Variants in FBXL17 observed in about 807,000 individuals in gnomAD.
FBXL17 encodes the protein F-box and leucine rich repeat protein 17.
FBXL17 carries 22 observed loss-of-function variants against 66.2 expected under a neutral mutation model. The observed-to-expected ratio is 0.33, with a 90% CI of 0.24 to 0.47. The LOEUF is 0.47. FBXL17 is among the 20% of genes least tolerant of loss of function. The pLI is 1.00. For synonymous variants in FBXL17, 474 were observed against 400.5 expected, an observed-to-expected ratio of 1.18 and a Z score of -2.19; for missense variants, 878 against 948.2, an observed-to-expected ratio of 0.93 and a Z score of 0.97.
intron 7 of FBXL17, among the ~76,000 whole-genome samples, chr5:107,959,308 A>G (rs1433102556): frequency 6.6e-6 from 1 of 151,760 alleles, no homozygotes; most frequent in Non-Finnish European, 1.5e-5. Context: ...TATATTTTCA[A>G]TTTACTTTTG....
chr5:108,146,817 C>G (rs1439312609), intron 6 of FBXL17, among the ~76,000 whole-genome samples: 2 of 152,162 alleles, frequency 1.3e-5, no homozygotes, highest in Non-Finnish European at 2.9e-5. Flanking sequence ...AAAAAGGGAT[C>G]GTGAAACCTT....
intron 5 of FBXL17, among the ~76,000 whole-genome samples, chr5:108,220,480 T>C (rs1561471856): frequency 6.6e-6 from 1 of 152,176 alleles, no homozygotes; most frequent in Non-Finnish European, 1.5e-5. Flanking sequence ...TTAAAAACCA[T>C]TGTTTCCTAT....
At chr5:108,307,141 G>A (rs931934981) in intron 4 of FBXL17, among the ~76,000 whole-genome samples, 6 of 151,988 alleles carry the variant, frequency 3.9e-5, no homozygotes, top group Non-Finnish European at 7.4e-5. Context: ...GGTGATGAAT[G>A]TGAGTCACCA....
At position 108,088,116 on chromosome 5, in the gene FBXL17, T is replaced by C. The variant is rs976784577; in HGVS notation, c.1746-67115A>G. Among the ~76,000 whole-genome samples, 5 of 152,234 alleles carry C rather than the reference T, an allele frequency of 3.3e-5. No homozygotes were observed. In the South Asian group the frequency reaches 1.0e-3, roughly 31 times the overall value. On this transcript the variant is annotated intron_variant, in intron 6 of 8. Transcript: ENST00000542267. ...AGCAAATTTCTTTTAAGTGATTCCA[T>C]TTTTAATTAACTGCCATTATAAACC...
chr5:108,044,125 G>A (rs1288116567), intron 6 of FBXL17, among the ~76,000 whole-genome samples: 2 of 152,056 alleles, frequency 1.3e-5, no homozygotes, highest in Admixed American at 1.3e-4. Context: ...TCGGTCATCT[G>A]TAAATAGGGG....
At chr5:108,279,477 C>A (rs189909737) in intron 4 of FBXL17, among the ~76,000 whole-genome samples, 1 of 151,988 alleles carries the variant, frequency 6.6e-6, no homozygotes, top group East Asian at 1.9e-4. Context: ...CAATCACACA[C>A]AGACTTCAGT....
intron 7 of FBXL17, among the ~76,000 whole-genome samples, chr5:107,934,686 G>T (rs1207710071): frequency 6.6e-6 from 1 of 152,026 alleles, no homozygotes; most frequent in Non-Finnish European, 1.5e-5. Context: ...GTCCTTATTG[G>T]GGGCTGGTGG....
chr5:108,105,847 T>C (rs1749774790), intron 6 of FBXL17, among the ~76,000 whole-genome samples: 1 of 152,350 alleles, frequency 6.6e-6, no homozygotes, highest in Middle Eastern at 3.4e-3. Context: ...AAGGCAAAAT[T>C]ATTTAATATC....
intron 6 of FBXL17, among the ~76,000 whole-genome samples, chr5:108,033,546 CTTTGT>C (rs1423581570): frequency 1.3e-5 from 2 of 151,952 alleles, no homozygotes; most frequent in African/African-American, 2.4e-5. Context: ...GTTTTTGTTA[CTTTGT>C]TTTATTTTAC....
At chr5:108,327,358 AGCCAGTAACCTTC>A (rs1382293827) in intron 4 of FBXL17, among the ~76,000 whole-genome samples, 1 of 152,216 alleles carries the variant, frequency 6.6e-6, no homozygotes, top group African/African-American at 2.4e-5. Context: ...TTCAGTTATA[AGCCAGTAACCTTC>A]TTATTGTTTA....
At chr5:108,131,678 A>G (rs1164730236) in intron 6 of FBXL17, among the ~76,000 whole-genome samples, 2 of 152,086 alleles carry the variant, frequency 1.3e-5, no homozygotes, top group Non-Finnish European at 2.9e-5. Flanking sequence ...ACACTGATTG[A>G]TCAGTAAGAA....
At chr5:108,356,677 A>C (rs1005913128) in intron 3 of FBXL17, among the ~76,000 whole-genome samples, 4 of 152,106 alleles carry the variant, frequency 2.6e-5, no homozygotes, top group Non-Finnish European at 5.9e-5. Flanking sequence ...GGGAGGAGCG[A>C]ATAAATAGGC....
chr5:108,135,285 T>G (rs1225003772), intron 6 of FBXL17, among the ~76,000 whole-genome samples: 1 of 152,144 alleles, frequency 6.6e-6, no homozygotes, highest in Non-Finnish European at 1.5e-5. Flanking sequence ...TAACAGCTCC[T>G]TCATATTTAA....
intron 6 of FBXL17, among the ~76,000 whole-genome samples, chr5:108,035,795 C>T (rs1170394511): frequency 2.0e-5 from 3 of 151,938 alleles, no homozygotes; most frequent in East Asian, 1.9e-4. Context: ...TTCAGCCAAA[C>T]ACCTAAAGCA....
chr5:108,057,540 T>G (rs930673177), intron 6 of FBXL17, among the ~76,000 whole-genome samples: 1 of 152,168 alleles, frequency 6.6e-6, no homozygotes, highest in South Asian at 2.1e-4. Flanking sequence ...GCCTTTCTGA[T>G]GCATGGATTT....
intron 4 of FBXL17, among the ~76,000 whole-genome samples, chr5:108,316,979 T>C (rs1472047171): frequency 1.3e-5 from 2 of 151,346 alleles, no homozygotes; most frequent in East Asian, 3.8e-4. Context: ...TCAATCTGTA[T>C]ATTTATCACA....
chr5:108,176,377 C>T (rs990225564), intron 6 of FBXL17, among the ~76,000 whole-genome samples: 3 of 152,110 alleles, frequency 2.0e-5, no homozygotes, highest in African/African-American at 7.2e-5. Flanking sequence ...GTAGCACATC[C>T]AGAAATATCC....
chr5:108,306,007 T>C (rs543136687), intron 4 of FBXL17, among the ~76,000 whole-genome samples: 3 of 152,126 alleles, frequency 2.0e-5, no homozygotes, highest in African/African-American at 7.2e-5. Context: ...TAGGATACTG[T>C]TGTAGTAATC....
intron 7 of FBXL17, among the ~76,000 whole-genome samples, chr5:107,902,642 T>C (rs1749608275): frequency 6.6e-6 from 1 of 152,152 alleles, no homozygotes; most frequent in South Asian, 2.1e-4. Context: ...TTCTGTTAAG[T>C]AAAGCAGCTA....
Sources: allele counts gnomAD v4.1 joint callset (sites outside exome capture counted in the v4.1 genomes callset), GRCh38; gene constraint gnomAD v4.1.1; transcripts MANE v1.5; gene names NCBI Gene and HGNC (gene_info 2026-07-23, HGNC 2026-07-21).